The following BANK1 variants were observed in gnomAD, a reference collection of about 807,000 sequenced individuals.
The protein encoded by BANK1 is B cell scaffold protein with ankyrin repeats 1.
Under a neutral mutation model 94.5 loss-of-function variants are expected in BANK1, and 95 were observed. That is an observed-to-expected ratio of 1.00 (90% CI 0.85 to 1.19). The LOEUF is 1.19. Among genes scored for constraint, BANK1 ranks in the 50% most tolerant of loss-of-function variants. The pLI is 0.00. For synonymous variants in BANK1, 334 were observed against 308.4 expected, an observed-to-expected ratio of 1.08 and a Z score of -0.87; for missense variants, 987 against 932.2, an observed-to-expected ratio of 1.06 and a Z score of -0.77.
At chr4:102,060,097 C>A in intron 11 of BANK1, 114 bp from the exon 12 acceptor site, 2 of 929,044 alleles carry the variant, frequency 2.2e-6, no homozygotes, top group Non-Finnish European at 3.1e-6. Flanking sequence ...TATTCTTTAA[C>A]TGCTCATAGA....
chr4:102,005,995 G>A (rs1282532994), intron 7 of BANK1, among the ~76,000 whole-genome samples: 1 of 151,922 alleles, frequency 6.6e-6, no homozygotes, highest in African/African-American at 2.4e-5. Context: ...ATGGAAATCT[G>A]GAATGCCATC....
chr4:101,896,708 A>C (rs1297093989), intron 6 of BANK1, among the ~76,000 whole-genome samples: 1 of 152,032 alleles, frequency 6.6e-6, no homozygotes, highest in African/African-American at 2.4e-5. Flanking sequence ...CAAATAATAT[A>C]CATGTATTTA....
chr4:101,966,939 C>T (rs1424791563), intron 7 of BANK1, among the ~76,000 whole-genome samples: 1 of 151,988 alleles, frequency 6.6e-6, no homozygotes, highest in East Asian at 1.9e-4. Context: ...GCTTATTCAT[C>T]CAGAAGGGAA....
intron 1 of BANK1, among the ~76,000 whole-genome samples, chr4:101,797,327 C>A (rs1028332886): frequency 2.0e-5 from 3 of 152,092 alleles, no homozygotes; most frequent in Non-Finnish European, 4.4e-5. Context: ...GGAGAAGAAT[C>A]TGAAAAGTAA....
intron 6 of BANK1, among the ~76,000 whole-genome samples, chr4:101,905,350 G>C (rs1722414066): frequency 6.6e-6 from 1 of 152,126 alleles, no homozygotes; most frequent in Non-Finnish European, 1.5e-5. Flanking sequence ...GCTGTGGTGG[G>C]GGACAGACAT....
chr4:102,038,763 G>A (rs756393608), intron 10 of BANK1, among the ~76,000 whole-genome samples: 1 of 152,122 alleles, frequency 6.6e-6, no homozygotes, highest in Non-Finnish European at 1.5e-5. Context: ...ATATGCAAAT[G>A]AAAACAATTT....
At chr4:101,833,163 G>C (rs192081341) in intron 2 of BANK1, among the ~76,000 whole-genome samples, 1 of 152,162 alleles carries the variant, frequency 6.6e-6, no homozygotes, top group African/African-American at 2.4e-5. Flanking sequence ...ATTTTTAGTA[G>C]AGATTCGGTT....
At chr4:101,893,169 T>A (rs577250114) in intron 5 of BANK1, among the ~76,000 whole-genome samples, 6 of 151,994 alleles carry the variant, frequency 3.9e-5, no homozygotes, top group Non-Finnish European at 7.4e-5. Context: ...GCTACTTTAT[T>A]TTTAAAATTT....
intron 2 of BANK1, among the ~76,000 whole-genome samples, chr4:101,846,663 C>T (rs1423889807): frequency 6.6e-6 from 1 of 152,160 alleles, no homozygotes; most frequent in Non-Finnish European, 1.5e-5. Flanking sequence ...ATAGAGAGGG[C>T]AGGGGAAGTG....
chr4:101,798,242 A>G (rs1725226417), intron 1 of BANK1, among the ~76,000 whole-genome samples: 1 of 152,178 alleles, frequency 6.6e-6, no homozygotes, highest in South Asian at 2.1e-4. Context: ...GATGGAGGCC[A>G]TGGAGACGCC....
chr4:101,941,880 G>T (rs116784537), intron 7 of BANK1, among the ~76,000 whole-genome samples: 2,954 of 151,792 alleles, frequency 0.019, 109 homozygotes, highest in African/African-American at 0.069. Context: ...TCTTCATTTT[G>T]TTGTTTTTAT....
intron 10 of BANK1, among the ~76,000 whole-genome samples, chr4:102,039,502 C>G (rs1414681212): frequency 2.0e-5 from 3 of 151,972 alleles, no homozygotes; most frequent in Non-Finnish European, 4.4e-5. Flanking sequence ...CTTTATTGAG[C>G]CTTTTTGTGA....
intron 7 of BANK1, among the ~76,000 whole-genome samples, chr4:101,992,998 G>C (rs766393726): frequency 2.6e-5 from 4 of 152,122 alleles, no homozygotes; most frequent in Non-Finnish European, 2.9e-5. Flanking sequence ...TAAATGTGTA[G>C]GTTCACAAGC....
intron 1 of BANK1, among the ~76,000 whole-genome samples, chr4:101,822,525 T>A (rs1006418129): frequency 6.6e-6 from 1 of 152,180 alleles, no homozygotes; most frequent in African/African-American, 2.4e-5. Flanking sequence ...TTTAAATTTG[T>A]AGTACATTAT....
At chr4:101,859,259 T>C (rs1727785335) in intron 3 of BANK1, among the ~76,000 whole-genome samples, 1 of 152,226 alleles carries the variant, frequency 6.6e-6, no homozygotes, top group South Asian at 2.1e-4. Context: ...AGTTTTACAG[T>C]GACCAAAAGA....
chr4:101,812,965 T>C (rs1417423310), intron 1 of BANK1, among the ~76,000 whole-genome samples: 1 of 152,116 alleles, frequency 6.6e-6, no homozygotes, highest in Non-Finnish European at 1.5e-5. Flanking sequence ...GAATTAATAA[T>C]AGTAAAAAAG....
At chr4:101,941,162 G>A (rs1473998327) in intron 7 of BANK1, among the ~76,000 whole-genome samples, 3 of 151,654 alleles carry the variant, frequency 2.0e-5, no homozygotes, top group Non-Finnish European at 4.4e-5. Context: ...TGTTTCAGTT[G>A]GTTCCTTTAT....
chr4:101,886,211 T>C (rs999305734), intron 5 of BANK1, among the ~76,000 whole-genome samples: 3 of 152,206 alleles, frequency 2.0e-5, no homozygotes, highest in African/African-American at 7.2e-5. Context: ...AAAAATTTTA[T>C]ACATTAAGTT....
chr4:101,870,827 G>C (rs552079055), intron 5 of BANK1, among the ~76,000 whole-genome samples, 183 bp downstream of exon 5: 257 of 150,466 alleles, frequency 1.7e-3, no homozygotes, highest in African/African-American at 6.2e-3. Flanking sequence ...CTTTGCCTAG[G>C]TCAAAAAAAA....
Sources: gnomAD v4.1 joint callset for allele counts (sites outside exome capture counted in the v4.1 genomes callset) on GRCh38, gnomAD v4.1.1 for gene constraint, MANE v1.5 for transcripts, NCBI Gene and HGNC (gene_info 2026-07-23, HGNC 2026-07-21) for gene names.